The following MRM1 variants were observed in gnomAD, a reference collection of about 807,000 sequenced individuals.
The protein encoded by MRM1 is rRNA methyltransferase 1, mitochondrial.
MRM1 carries 24 observed loss-of-function variants against 25.0 expected under a neutral mutation model. The ratio of observed to expected loss-of-function variants is 0.96; its 90% CI spans 0.69 to 1.35. The LOEUF is 1.35. Ranked by LOEUF, MRM1 falls within the 40% of genes most tolerant of loss-of-function variation. The pLI, the probability that MRM1 is intolerant of heterozygous loss-of-function variation, is 0.00. For synonymous variants in MRM1, 188 were observed against 199.2 expected (o/e 0.94, Z 0.47); for missense variants, 431 against 464.1 (o/e 0.93, Z 0.65).
chr17:36,611,361 G>C (rs546794959), downstream of MRM1, among the ~76,000 whole-genome samples: 1 of 152,248 alleles, frequency 6.6e-6, no homozygotes, highest in East Asian at 1.9e-4. Context: ...CTTGGGGATA[G>C]TACCATTACT....
the MRM1 span, among the ~76,000 whole-genome samples, chr17:36,627,001 T>G: frequency 6.6e-6 from 1 of 152,216 alleles, no homozygotes; most frequent in Non-Finnish European, 1.5e-5. Flanking sequence ...GCGGACAGTC[T>G]GAGCCACAGC....
At chr17:36,613,128 A>G (rs781575072), downstream of MRM1, among the ~76,000 whole-genome samples, 5 of 152,130 alleles carry the variant, frequency 3.3e-5, no homozygotes, top group Non-Finnish European at 7.4e-5. Context: ...CAGCTAAATC[A>G]AGGCTGGCAC....
the MRM1 span, among the ~76,000 whole-genome samples, chr17:36,617,605 AG>A: frequency 1.5e-4 from 23 of 152,000 alleles, no homozygotes; most frequent in Admixed American, 1.4e-3. Flanking sequence ...CATGTTGGCC[AG>A]GCTGGTCTCG....
In MRM1 at chr17:36,602,735, A is replaced by AG. The variant is rs2074891632; in HGVS notation, c.636+93dup. 5.3e-6 allele frequency: 8 copies of AG among 1,499,186 alleles called. No individual in the cohort carries two copies. The South Asian group carries it at 6.8e-5, about 13-fold the overall frequency. 92.9% of individuals were successfully genotyped at this position (1,499,186 alleles called of 1,614,324 possible). A position where few individuals can be genotyped will look rare whatever the true frequency, so the allele number is the denominator to read the frequency against. Reference sequence around the variant, plus strand: ...AGCTAGCCCCTGGCGAGGGAGAGAAAGGGGCATGTTGGCACCGCTTCCTTT... The same window carrying AG: ...AGCTAGCCCCTGGCGAGGGAGAGAAAGGGGGCATGTTGGCACCGCTTCCTTT... On this transcript the variant is annotated intron_variant, in intron 2 of 4. Coordinates refer to ENST00000614766, the MANE Select transcript of MRM1 (RefSeq NM_024864.5). This position sits in a 1 kb window ranked among gnomAD's most constrained non-coding sequence, Gnocchi z 4.1.
At chr17:36,605,331 TTTTTTCTTTTTC>T (rs1184940095) in intron 2 of MRM1, among the ~76,000 whole-genome samples, 1 of 136,922 alleles carries the variant, frequency 7.3e-6, no homozygotes, top group Non-Finnish European at 1.6e-5. Flanking sequence ...TTTTTCTTTC[TTTTTTCTTTTTC>T]TTTTTTTTTT....
the MRM1 span, among the ~76,000 whole-genome samples, chr17:36,621,323 C>T: frequency 1.3e-5 from 2 of 152,044 alleles, no homozygotes; most frequent in Non-Finnish European, 2.9e-5. Context: ...GTGCAGACTC[C>T]GCATCTAGAA....
At chr17:36,618,277 T>G in the MRM1 span, among the ~76,000 whole-genome samples, 1 of 152,090 alleles carries the variant, frequency 6.6e-6, no homozygotes, top group Non-Finnish European at 1.5e-5. Flanking sequence ...AGGCTGTCAT[T>G]CATCAAGTAT....
rs1378136288 is a variant in MRM1, at chr17:36,603,789, T to C, written c.636+1143T>C. ...TCGATTTGAATTAGCCACCTTTCAA[T>C]TGCTTAATAGCCACATGTAGCTAGT... is the stretch of plus-strand genomic sequence containing the variant. On this transcript the variant is annotated intron_variant, in intron 2 of 4. Transcript: ENST00000614766. 4.6e-5 allele frequency among the ~76,000 whole-genome samples: 7 copies of C among 152,238 alleles called. No individual in the cohort carries two copies. The South Asian group carries it at 1.4e-3, about 32-fold the overall frequency.
chr17:36,618,178 G>T, the MRM1 span, among the ~76,000 whole-genome samples: 1 of 152,038 alleles, frequency 6.6e-6, no homozygotes, highest in Non-Finnish European at 1.5e-5. Flanking sequence ...ACCTGGGAGT[G>T]GGAGTCCTTA....
Position 36,602,481 on chromosome 17 carries a change from G to T in MRM1, c.543-72G>T. The T allele has an allele frequency of 6.2e-7, 1 of 1,606,850 alleles. No homozygotes were observed. The highest frequency in any genetic ancestry group is 8.5e-7 in the Non-Finnish European group (1 of 1,174,442). ...AGAACTCTCATCCCCCTAGCCCTTG[G>T]GAGCCCTGGGAGGGTAGGGAGCCGG... On this transcript the variant is annotated intron_variant, in intron 1 of 4. Coordinates refer to ENST00000614766, the MANE Select transcript of MRM1 (RefSeq NM_024864.5). The surrounding 1 kb of genome is among the most constrained non-coding windows in gnomAD (Gnocchi z 4.1).
the MRM1 span, among the ~76,000 whole-genome samples, chr17:36,627,756 C>A: frequency 1.4e-5 from 2 of 147,506 alleles, no homozygotes. Flanking sequence ...CTCACACAAC[C>A]TGCGCCTCCT....
downstream of MRM1, among the ~76,000 whole-genome samples, chr17:36,610,175 T>G (rs11869178): frequency 0.5 from 75,539 of 151,302 alleles, 20,837 homozygotes; most frequent in African/African-American, 0.75. Flanking sequence ...TGATCTGCCC[T>G]CCTCAGCCTC....
At chr17:36,622,941 C>T in the MRM1 span, among the ~76,000 whole-genome samples, 4 of 152,324 alleles carry the variant, frequency 2.6e-5, no homozygotes, top group Middle Eastern at 3.4e-3. Flanking sequence ...CTAGCCCATT[C>T]GCTAGGCGCA....
At position 36,608,005 on chromosome 17, in the gene MRM1, C is replaced by G; in HGVS notation, c.876C>G (p.Val292=). ...CTCCTGGACTTGAGTCCTTGAACGTCTCTGTGGCTGCAGGTGAGTCTACTC... is the reference window on the plus strand; with the variant it reads ...CTCCTGGACTTGAGTCCTTGAACGTGTCTGTGGCTGCAGGTGAGTCTACTC... The part of the protein sequence containing the change: ...QLPPGLESLN[V]SVAAGILLHS... The change falls in exon 4 of 5, where the codon GTC becomes GTG. Residue 292 remains valine, a synonymous_variant. Coordinates refer to ENST00000614766, the MANE Select transcript of MRM1 (RefSeq NM_024864.5). The G allele has an allele frequency of 6.2e-7, 1 of 1,614,160 alleles. No individual in the cohort carries two copies. The highest frequency in any genetic ancestry group is 8.5e-7 in the Non-Finnish European group (1 of 1,180,040).
the MRM1 span, among the ~76,000 whole-genome samples, chr17:36,617,618 A>G: frequency 1.3e-5 from 2 of 151,416 alleles, no homozygotes; most frequent in South Asian, 2.1e-4. Context: ...CTGGTCTCGA[A>G]CTCCTGACCT....
At chr17:36,604,457 C>T (rs1440950648) in intron 2 of MRM1, among the ~76,000 whole-genome samples, 2 of 152,144 alleles carry the variant, frequency 1.3e-5, no homozygotes, top group Non-Finnish European at 2.9e-5. Flanking sequence ...CCCTGACTTC[C>T]GAGCATTAGC....
chr17:36,610,639 G>C (rs146543986), downstream of MRM1, among the ~76,000 whole-genome samples: 101 of 152,292 alleles, frequency 6.6e-4, 1 homozygote, highest in Non-Finnish European at 1.2e-3. Context: ...GTCCCTGACT[G>C]CCACGCAGGC....
Position 36,602,094 on chromosome 17 carries a change from G to C in MRM1, c.284G>C (p.Arg95Pro), listed in dbSNP as rs553293435. The C allele has an allele frequency of 2.3e-4, 364 of 1,611,136 alleles. 2 individuals carry two copies. The South Asian group carries it at 3.8e-3, about 17-fold the overall frequency. ...RAELLRMAEA[R>P]DIPVLRPRRQ... ...GAGCTGCTCCGGATGGCCGAGGCGCGGGACATTCCAGTTCTGCGGCCCAGA... is the reference window on the plus strand; with the variant it reads ...GAGCTGCTCCGGATGGCCGAGGCGCCGGACATTCCAGTTCTGCGGCCCAGA... Residue 95 changes from arginine to proline, a missense_variant, in exon 1 of 5, where the codon CGG (arginine) becomes CCG (proline). Arg to Pro is a moderately radical substitution (Grantham distance 103, BLOSUM62 -2). Transcript: ENST00000614766. The surrounding 1 kb of genome is among the most constrained non-coding windows in gnomAD (Gnocchi z 4.1).
At chr17:36,634,112 C>T in the MRM1 span, 1 of 152,246 alleles carries the variant, frequency 6.6e-6, no homozygotes, top group Admixed American at 6.5e-5. Context: ...CTCCATGGGC[C>T]ACCAACTACA....
Sources: gnomAD v4.1 joint callset for allele counts (sites outside exome capture counted in the v4.1 genomes callset) on GRCh38, gnomAD v4.1.1 for gene constraint, Gnocchi (gnomAD v3.1) non-coding constraint, MANE v1.5 for transcripts, NCBI Gene and HGNC (gene_info 2026-07-23, HGNC 2026-07-21) for gene names.